NSMCE2: variants seen among roughly 807,000 people sequenced by gnomAD.
NSMCE2 encodes E3 SUMO-protein ligase NSE2.
A neutral mutation model predicts 23.8 loss-of-function variants in NSMCE2; 24 were observed. The ratio of observed to expected loss-of-function variants is 1.01; its 90% CI spans 0.73 to 1.42. The LOEUF is 1.42. Among genes scored for constraint, NSMCE2 ranks in the 40% most tolerant of loss-of-function variants. NSMCE2 has a pLI of 0.00. For missense variants in NSMCE2, 284 were observed against 296.5 expected (o/e 0.96, Z 0.31); for synonymous variants, 92 against 94.1 (o/e 0.98, Z 0.13).
intron 5 of NSMCE2, among the ~76,000 whole-genome samples, chr8:125,232,100 G>T (rs1318213019): frequency 6.6e-6 from 1 of 152,160 alleles, no homozygotes; most frequent in Admixed American, 6.5e-5. Context: ...AGTGGCTCAT[G>T]CCTATAATCC....
At chr8:125,151,098 TGTATTG>T (rs750409523) in intron 3 of NSMCE2, 67 bp from the exon 4 acceptor site, 18 of 706,596 alleles carry the variant, frequency 2.5e-5, no homozygotes, top group Non-Finnish European at 3.5e-5. Flanking sequence ...TGATGTAGAT[TGTATTG>T]ATGCAACTTT....
At chr8:125,254,012 G>A (rs1826306854) in intron 5 of NSMCE2, among the ~76,000 whole-genome samples, 1 of 152,080 alleles carries the variant, frequency 6.6e-6, no homozygotes, top group African/African-American at 2.4e-5. Context: ...ACAAATATTT[G>A]TCTAAGTGTG....
intron 5 of NSMCE2, among the ~76,000 whole-genome samples, chr8:125,253,387 G>T (rs900293656): frequency 6.6e-6 from 1 of 152,098 alleles, no homozygotes; most frequent in South Asian, 2.1e-4. Context: ...CTTTCTTTTC[G>T]CCCTGAGCAA....
intron 4 of NSMCE2, among the ~76,000 whole-genome samples, chr8:125,153,880 C>G (rs1036506959): frequency 6.6e-6 from 1 of 152,044 alleles, no homozygotes; most frequent in Non-Finnish European, 1.5e-5. Flanking sequence ...TTCTAAAAAG[C>G]AAGTATTTTG....
In NSMCE2 at chr8:125,215,119, C is replaced by T. The variant is rs987059194; in HGVS notation, c.418+32863C>T. On this transcript the variant is annotated intron_variant, in intron 5 of 7. Transcript: ENST00000287437. ...GGTTAGTTACATATGTATACATGTG[C>T]CATGCTGGTGCGCTGCACCCACTAA... Among the ~76,000 whole-genome samples, 221 of 151,420 alleles carry T rather than the reference C, an allele frequency of 1.5e-3. 1 individual carries two copies. The highest frequency in any genetic ancestry group is 5.1e-3 in the African/African-American group (211 of 41,152).
At chr8:125,111,669 G>A (rs554451481) in intron 3 of NSMCE2, among the ~76,000 whole-genome samples, 126 of 152,212 alleles carry the variant, frequency 8.3e-4, no homozygotes, top group African/African-American at 3.0e-3. Flanking sequence ...GTGTGGTGGT[G>A]TGTGCCTATA....
chr8:125,143,538 T>C (rs1254482811), intron 3 of NSMCE2, among the ~76,000 whole-genome samples: 1 of 152,206 alleles, frequency 6.6e-6, no homozygotes, highest in Non-Finnish European at 1.5e-5. Flanking sequence ...AGCAACCCCT[T>C]AAGAACACTA....
chr8:125,165,835 G>A (rs1482067081), intron 4 of NSMCE2, among the ~76,000 whole-genome samples: 2 of 152,056 alleles, frequency 1.3e-5, no homozygotes, highest in South Asian at 2.1e-4. Flanking sequence ...AGAATTAGAA[G>A]GCAAAAGGCA....
At chr8:125,251,863 CT>C (rs1419823564) in intron 5 of NSMCE2, among the ~76,000 whole-genome samples, 3 of 152,152 alleles carry the variant, frequency 2.0e-5, no homozygotes, top group Non-Finnish European at 4.4e-5. Flanking sequence ...AATCTAACAT[CT>C]TTTTTCCCTA....
chr8:125,285,608 C>T (rs925830827), intron 5 of NSMCE2, among the ~76,000 whole-genome samples: 10 of 152,112 alleles, frequency 6.6e-5, no homozygotes, highest in Non-Finnish European at 1.2e-4. Context: ...CTATAAAGCT[C>T]TTAGTGTCTG....
intron 3 of NSMCE2, among the ~76,000 whole-genome samples, chr8:125,140,254 T>C (rs750046948): frequency 1.2e-4 from 19 of 152,240 alleles, no homozygotes; most frequent in Non-Finnish European, 2.6e-4. Flanking sequence ...AGATTTGTAT[T>C]GGGAATATTG....
At chr8:125,214,035 G>T (rs1383037679) in intron 5 of NSMCE2, among the ~76,000 whole-genome samples, 3 of 152,154 alleles carry the variant, frequency 2.0e-5, no homozygotes. Flanking sequence ...CTTTTAAGAA[G>T]CAGTTTACAT....
rs376240525 is a variant in NSMCE2 at position 125,124,470 on chromosome 8, TTCTCTCTC to T, written c.157+22004_157+22011del. 4.8e-5 allele frequency among the ~76,000 whole-genome samples: 7 copies of T among 146,316 alleles called. No individual in the cohort carries two copies. The East Asian group carries it at 9.9e-4, about 21-fold the overall frequency. ...TTTTTTAAAGTGGATTCCTCAGGAT[TTCTCTCTC>T]TCTCTCTCTCTCTCTCTCTCAACAA... On this transcript the variant is annotated intron_variant, in intron 3 of 7. Transcript: ENST00000287437.
chr8:125,178,600 G>T (rs1822611156), intron 4 of NSMCE2, among the ~76,000 whole-genome samples: 1 of 152,226 alleles, frequency 6.6e-6, no homozygotes, highest in South Asian at 2.1e-4. Context: ...GCTGGGCGTG[G>T]TGGCTGACGC....
chr8:125,111,694 G>A lies in NSMCE2; in HGVS notation c.157+9207G>A, dbSNP rs568370077. Among the ~76,000 whole-genome samples, 30 of 152,246 alleles carry A rather than the reference G, an allele frequency of 2.0e-4. No homozygotes were observed. In the South Asian group the frequency reaches 6.0e-3, roughly 31 times the overall value. On this transcript the variant is annotated intron_variant, in intron 3 of 7. Transcript: ENST00000287437. ...GTGTGCCTATAATCCCAGCTACTTG[G>A]GAGGCTAAGGCACAAGAATTGCTTG...
chr8:125,274,812 C>T (rs1398406870), intron 5 of NSMCE2, among the ~76,000 whole-genome samples: 1 of 151,800 alleles, frequency 6.6e-6, no homozygotes, highest in Non-Finnish European at 1.5e-5. Context: ...CGCCTGTAAT[C>T]CCAGCTACTT....
chr8:125,184,420 T>G (rs1822993234), intron 5 of NSMCE2, among the ~76,000 whole-genome samples: 1 of 152,162 alleles, frequency 6.6e-6, no homozygotes, highest in South Asian at 2.1e-4. Context: ...ACACATTATT[T>G]GGATAGACAG....
At chr8:125,116,885 CTT>C (rs35636109) in intron 3 of NSMCE2, among the ~76,000 whole-genome samples, 30 of 129,498 alleles carry the variant, frequency 2.3e-4, no homozygotes, top group African/African-American at 6.4e-4. Context: ...AAGCATATAA[CTT>C]TTTTTTTTTT....
intron 5 of NSMCE2, chr8:125,182,603 T>C (rs1822884388): frequency 2.8e-6 from 1 of 356,356 alleles, no homozygotes; most frequent in African/African-American, 2.1e-5. Context: ...TAAACTGCTG[T>C]GCCATGCTTT....
Sources: allele counts gnomAD v4.1 joint callset (sites outside exome capture counted in the v4.1 genomes callset), GRCh38; gene constraint gnomAD v4.1.1; transcripts MANE v1.5; gene names NCBI Gene and HGNC (gene_info 2026-07-23, HGNC 2026-07-21).